Variants in LINGO1 observed in about 807,000 individuals in gnomAD.
LINGO1 encodes the protein leucine-rich repeat and immunoglobulin-like domain-containing nogo receptor-interacting protein 1.
A neutral mutation model predicts 37.3 loss-of-function variants in LINGO1; 11 were observed. The ratio of observed to expected loss-of-function variants is 0.29; its 90% CI spans 0.19 to 0.49. The LOEUF is 0.49. Ranked by LOEUF, LINGO1 falls within the 20% of genes least tolerant of loss-of-function variation. The pLI is 0.99. For synonymous variants in LINGO1, 387 were observed against 403.0 expected (o/e 0.96, Z 0.48); for missense variants, 585 against 878.2 (o/e 0.67, Z 4.22).
chr15:77,796,842 C>T (rs145627545), intron 1 of LINGO1, among the ~76,000 whole-genome samples: 1 of 152,264 alleles, frequency 6.6e-6, no homozygotes, highest in African/African-American at 2.4e-5. Flanking sequence ...TCCCAAGGAG[C>T]TGGGACTACA....
intron 3 of LINGO1, chr15:77,648,903 C>G (rs12324340): frequency 0.075 from 11,387 of 152,416 alleles, 1,416 homozygotes; most frequent in African/African-American, 0.26. Flanking sequence ...AGAGAGACAA[C>G]AGGAACCCAG....
At position 77,615,253 on chromosome 15, in the gene LINGO1, G is replaced by A. The variant is rs373474297; in HGVS notation, c.654C>T (p.Ile218=). The A allele has an allele frequency of 1.7e-5, 28 of 1,613,688 alleles. No individual in the cohort carries two copies. The South Asian group carries it at 2.2e-4, about 13-fold the overall frequency. Residue 218 remains isoleucine (I), a synonymous_variant, in exon 2 of 2, where the codon ATC becomes ATT. Coordinates refer to ENST00000355300, the MANE Select transcript of LINGO1 (RefSeq NM_032808.7). ...TGTTGAGGTGCCGGAGCCTCAGGAC[G>A]ATGAGGCCGTGCAGGTGGGACAGCG... ...TEALSHLHGL[I]VLRLRHLNIN...
intron 2 of LINGO1, among the ~76,000 whole-genome samples, chr15:77,685,385 A>T (rs2075489764): frequency 6.6e-6 from 1 of 152,064 alleles, no homozygotes; most frequent in African/African-American, 2.4e-5. Context: ...CAGACTGCTG[A>T]GGGGACTAAC....
chr15:77,776,491 A>G (rs1374833660), intron 1 of LINGO1, among the ~76,000 whole-genome samples: 1 of 77,762 alleles, frequency 1.3e-5, no homozygotes, highest in Non-Finnish European at 2.6e-5. Flanking sequence ...GCAGGAAAGC[A>G]GGAAGGCAGG....
At position 77,614,610 on chromosome 15, in the gene LINGO1, G is replaced by T. The variant is rs888845765; in HGVS notation, c.1297C>A (p.Gln433Lys). Residue 433 changes from glutamine (Q) to lysine (K), a missense_variant, in exon 2 of 2, where the codon CAG becomes AAG. By Grantham distance (53) the Gln-to-Lys change is moderately conservative. Coordinates refer to ENST00000355300, the MANE Select transcript of LINGO1 (RefSeq NM_032808.7). ...GTGTGGCCCTCGTCCACAAACACCT[G>T]CTGGGCCTTGCGGTCCCGGATGCGG... ...RARIRDRKAQQVFVDEGHTVQ... is the reference protein window; with the variant it reads ...RARIRDRKAQKVFVDEGHTVQ... 10 of 1,611,064 alleles carry T rather than the reference G, an allele frequency of 6.2e-6. No individual in the cohort carries two copies. The highest frequency in any genetic ancestry group is 8.5e-6 in the Non-Finnish European group (10 of 1,178,948).
At chr15:77,806,070 C>G (rs1046780894) in intron 1 of LINGO1, among the ~76,000 whole-genome samples, 10 of 152,278 alleles carry the variant, frequency 6.6e-5, no homozygotes, top group African/African-American at 2.4e-4. Context: ...TGAGTCCATC[C>G]CGGAGAAATC....
chr15:77,668,509 C>T (rs1017108446), intron 3 of LINGO1, among the ~76,000 whole-genome samples: 2 of 152,180 alleles, frequency 1.3e-5, no homozygotes, highest in Admixed American at 6.5e-5. Flanking sequence ...ATCTCCCAGG[C>T]GTGCATACCC....
chr15:77,617,000 T>A (rs1222294428), intron 1 of LINGO1, among the ~76,000 whole-genome samples: 1 of 152,084 alleles, frequency 6.6e-6, no homozygotes, highest in African/African-American at 2.4e-5. Context: ...GAAGGCACCA[T>A]CAGATTCCCA....
At chr15:77,782,163 TTC>T (rs1395027377) in intron 1 of LINGO1, among the ~76,000 whole-genome samples, 4 of 152,038 alleles carry the variant, frequency 2.6e-5, no homozygotes, top group East Asian at 1.9e-4. Flanking sequence ...GTTAATTTAT[TTC>T]TCTGTTTGTT....
Position 77,632,580 on chromosome 15 carries a change from C to T in LINGO1, c.-265G>A, listed in dbSNP as rs902756013. The T allele has an allele frequency of 1.4e-3, 237 of 172,546 alleles. No homozygotes were observed. The highest frequency in any genetic ancestry group is 7.2e-3 in the South Asian group (37 of 5,158). 10.7% of individuals were successfully genotyped at this position (172,546 alleles called of 1,614,324 possible). On this transcript the variant is annotated 5_prime_UTR_variant, in exon 1 of 2. The change abolishes the stop of an existing upstream ORF in the 5' untranslated region. Coordinates refer to ENST00000355300, the MANE Select transcript of LINGO1 (RefSeq NM_032808.7). The surrounding 1 kb of genome is among the most constrained non-coding windows in gnomAD (Gnocchi z 6.0). ...CGGCGGGCGGATGGGCGGGCGCGCT[C>T]AGGCCGCGGGACAGGGGCTGCGCGA...
chr15:77,811,669 T>C (rs72730748), intron 1 of LINGO1, among the ~76,000 whole-genome samples: 15,003 of 152,278 alleles, frequency 0.099, 851 homozygotes, highest in African/African-American at 0.14. Flanking sequence ...AGTCCGCTCA[T>C]CTATCAGATT....
chr15:77,718,811 C>T (rs1186730045), intron 2 of LINGO1, among the ~76,000 whole-genome samples: 3 of 150,908 alleles, frequency 2.0e-5, no homozygotes, highest in Admixed American at 6.6e-5. Flanking sequence ...CCCGAGCCCC[C>T]GACCCTCTTG....
At chr15:77,760,321 G>A (rs563681662) in intron 1 of LINGO1, among the ~76,000 whole-genome samples, 9 of 152,306 alleles carry the variant, frequency 5.9e-5, no homozygotes, top group South Asian at 2.1e-4. Context: ...CCAGGCTCCC[G>A]TCCCCCAGCC....
At chr15:77,751,400 G>A (rs937874983) in intron 1 of LINGO1, among the ~76,000 whole-genome samples, 2 of 152,180 alleles carry the variant, frequency 1.3e-5, no homozygotes, top group Non-Finnish European at 2.9e-5. Flanking sequence ...CTTGCCCGTG[G>A]GGTTCACGAG....
At chr15:77,795,002 G>T (rs1301355284) in intron 2 of LINGO1, among the ~76,000 whole-genome samples, 1 of 152,156 alleles carries the variant, frequency 6.6e-6, no homozygotes, top group Non-Finnish European at 1.5e-5. Flanking sequence ...TATCCCTCAG[G>T]AGAAGGGAGT....
At chr15:77,654,570 C>A in intron 3 of LINGO1, among the ~76,000 whole-genome samples, 1 of 152,018 alleles carries the variant, frequency 6.6e-6, no homozygotes, top group East Asian at 1.9e-4. Context: ...AGCACAATGC[C>A]CCTGAAATCC....
At chr15:77,807,726 A>C (rs1292309115) in intron 1 of LINGO1, among the ~76,000 whole-genome samples, 3 of 152,176 alleles carry the variant, frequency 2.0e-5, no homozygotes, top group African/African-American at 7.2e-5. Context: ...CCATAATGTA[A>C]AGAAAATTGC....
chr15:77,632,664 C>T lies in LINGO1; in HGVS notation c.-349G>A, dbSNP rs1295514317. ...GCCGCCGCCGCCTCTGCCGCTGGGG[C>T]CGGGGTCGAGGCCGGGCGCGCTCCG... is the stretch of plus-strand genomic sequence containing the variant. On this transcript the variant is annotated 5_prime_UTR_variant, in exon 1 of 2. Coordinates refer to ENST00000355300, the MANE Select transcript of LINGO1 (RefSeq NM_032808.7). The surrounding 1 kb of genome is among the most constrained non-coding windows in gnomAD (Gnocchi z 6.0). 6.9e-6 allele frequency among the ~76,000 whole-genome samples: 1 copy of T among 145,872 alleles called. No homozygotes were observed. The highest frequency in any genetic ancestry group is 1.5e-5 in the Non-Finnish European group (1 of 65,712).
chr15:77,710,197 A>G (rs2075901826), intron 2 of LINGO1, among the ~76,000 whole-genome samples: 1 of 152,114 alleles, frequency 6.6e-6, no homozygotes, highest in Admixed American at 6.5e-5. Flanking sequence ...ACTCAGCTCC[A>G]CCCTTCACGT....
Sources: gnomAD v4.1 joint callset for allele counts (sites outside exome capture counted in the v4.1 genomes callset) on GRCh38, gnomAD v4.1.1 for gene constraint, Gnocchi (gnomAD v3.1) non-coding constraint, MANE v1.5 for transcripts, NCBI Gene and HGNC (gene_info 2026-07-23, HGNC 2026-07-21) for gene names.